Variants in ZNF366 observed in about 807,000 individuals in gnomAD.
ZNF366 encodes zinc finger protein 366, also known as dendritic cell-specific transcript protein.
Under a neutral mutation model 47.2 loss-of-function variants are expected in ZNF366, and 20 were observed. That is an observed-to-expected ratio of 0.42 (90% CI 0.30 to 0.62). The LOEUF (loss-of-function observed/expected upper bound fraction) is 0.62. Among genes scored for constraint, ZNF366 ranks in the 20% least tolerant of loss-of-function variants. The pLI, the probability that ZNF366 is intolerant of heterozygous loss-of-function variation, is 0.16. For synonymous variants in ZNF366, 421 were observed against 395.1 expected (o/e 1.07, Z -0.78); for missense variants, 987 against 976.3 (o/e 1.01, Z -0.15).
intron 3 of ZNF366, among the ~76,000 whole-genome samples, chr5:72,448,189 T>C (rs1304575473): frequency 6.6e-6 from 1 of 152,166 alleles, no homozygotes; most frequent in Non-Finnish European, 1.5e-5. Context: ...AAATGAAAAA[T>C]CATCTAAGGA....
At chr5:72,499,632 A>G (rs1744173791) in intron 1 of ZNF366, among the ~76,000 whole-genome samples, 1 of 152,198 alleles carries the variant, frequency 6.6e-6, no homozygotes, top group African/African-American at 2.4e-5. Context: ...GTACTTAAAA[A>G]AGAAAAAAAC....
At chr5:72,499,496 T>G (rs1744170213) in intron 1 of ZNF366, among the ~76,000 whole-genome samples, 1 of 150,712 alleles carries the variant, frequency 6.6e-6, no homozygotes, top group East Asian at 1.9e-4. Flanking sequence ...TTTTTTTTTT[T>G]TTTTTTGAGA....
chr5:72,449,420 G>T (rs1055884517), intron 3 of ZNF366, among the ~76,000 whole-genome samples: 2 of 152,146 alleles, frequency 1.3e-5, no homozygotes, highest in Admixed American at 1.3e-4. Flanking sequence ...TTTTAGTAGA[G>T]ATGGGGATCT....
At chr5:72,503,237 G>A (rs539392321) in intron 1 of ZNF366, among the ~76,000 whole-genome samples, 1 of 152,166 alleles carries the variant, frequency 6.6e-6, no homozygotes, top group East Asian at 1.9e-4. Context: ...TTGCTCAACC[G>A]GCTAGGACAT....
rs545666761 is a variant in ZNF366 at position 72,461,347 on chromosome 5, C to T, written c.150G>A (p.Gly50=). Residue 50 remains glycine, a synonymous_variant, in exon 2 of 5, where the codon GGG becomes GGA. Transcript: ENST00000318442. ...QRHPFPEALR[G]PFSQFRYEPP... is the part of the protein sequence containing the mutation. ...GTTCATACCGAAACTGGGAAAATGGCCCTCGGAGAGCTTCCGGGAAGGGGT... is the reference window on the plus strand; with the variant it reads ...GTTCATACCGAAACTGGGAAAATGGTCCTCGGAGAGCTTCCGGGAAGGGGT... The T allele has an allele frequency of 1.2e-5, 20 of 1,613,980 alleles. No homozygotes were observed. Among genetic ancestry groups the T allele is most frequent in the Non-Finnish European group, 1.7e-5 (20 of 1,180,014 alleles).
At chr5:72,456,331 A>G in intron 3 of ZNF366, 73 bp downstream of exon 3, 1 of 1,509,772 alleles carries the variant, frequency 6.6e-7, no homozygotes, top group African/African-American at 1.4e-5. Flanking sequence ...AACAGAGTAG[A>G]AGGCTCCCTG....
At chr5:72,507,139 C>A (rs1209602712) in intron 1 of ZNF366, 112 bp downstream of exon 1, 1 of 803,148 alleles carries the variant, frequency 1.2e-6, no homozygotes. Context: ...ATCACTTATA[C>A]CCTTTGGTTA....
At chr5:72,482,666 G>A (rs1307602617) in intron 1 of ZNF366, among the ~76,000 whole-genome samples, 1 of 152,040 alleles carries the variant, frequency 6.6e-6, no homozygotes, top group South Asian at 2.1e-4. Flanking sequence ...GTCCACCACA[G>A]GCTCCGGAGA....
chr5:72,477,247 A>G (rs985889684), intron 1 of ZNF366, among the ~76,000 whole-genome samples: 17 of 152,342 alleles, frequency 1.1e-4, no homozygotes, highest in African/African-American at 4.1e-4. Context: ...TTGACATTTA[A>G]TTTTAACAAA....
At chr5:72,501,684 G>A (rs1031195226) in intron 1 of ZNF366, among the ~76,000 whole-genome samples, 1 of 152,168 alleles carries the variant, frequency 6.6e-6, no homozygotes, top group African/African-American at 2.4e-5. Context: ...ACAAACCAGA[G>A]AGCTGAACAC....
intron 2 of ZNF366, 124 bp from the exon 3 acceptor site, chr5:72,456,719 T>G: frequency 1.0e-6 from 1 of 957,932 alleles, no homozygotes; most frequent in Non-Finnish European, 1.5e-6. Context: ...GATGTTGAGT[T>G]TCAAATGGTG....
chr5:72,461,417 T>C lies in ZNF366; in HGVS notation c.80A>G (p.His27Arg), dbSNP rs752401681. 9 of 1,611,816 alleles carry C rather than the reference T, an allele frequency of 5.6e-6. No individual in the cohort carries two copies. Among genetic ancestry groups the C allele is most frequent in the Non-Finnish European group, 7.6e-6 (9 of 1,178,238 alleles). ...CCGAGAAGCCACTGGCTGCAGGCAGTGGGGAAAGGAGGGGGTCTTCTTCAC... is the reference window on the plus strand; with the variant it reads ...CCGAGAAGCCACTGGCTGCAGGCAGCGGGGAAAGGAGGGGGTCTTCTTCAC... ...LAVKKTPSFP[H>R]CLQPVASRGK... The change falls in exon 2 of 5, where the codon CAC becomes CGC. Residue 27 changes from histidine (H) to arginine (R), a missense_variant. His to Arg is a conservative substitution (Grantham distance 29, BLOSUM62 0). This residue lies in a region of ZNF366 where 591 missense variants were observed against 560.9 expected (regional missense o/e 1.05). Transcript: ENST00000318442.
At chr5:72,473,509 A>C (rs184575956) in intron 1 of ZNF366, among the ~76,000 whole-genome samples, 65 of 152,308 alleles carry the variant, frequency 4.3e-4, no homozygotes, top group Non-Finnish European at 7.8e-4. Context: ...AATCCTGTCA[A>C]CTGCAGTCAG....
intron 1 of ZNF366, among the ~76,000 whole-genome samples, chr5:72,492,857 A>C (rs1374499875): frequency 1.3e-5 from 2 of 152,162 alleles, no homozygotes; most frequent in Non-Finnish European, 1.5e-5. Flanking sequence ...GTTTTTAATG[A>C]GGAATAAAGC....
At chr5:72,459,311 GT>G (rs1332998483) in intron 2 of ZNF366, among the ~76,000 whole-genome samples, 10 of 152,084 alleles carry the variant, frequency 6.6e-5, no homozygotes, top group Non-Finnish European at 1.5e-4. Flanking sequence ...ACCACTTGAG[GT>G]TAAGGGTGTG....
Position 72,460,420 on chromosome 5 carries a change from G to T in ZNF366, c.1077C>A (p.His359Gln). ...PSELKAHEAK[H>Q]ASGRENICVE... is the part of the protein sequence containing the mutation. The stretch of plus-strand genomic sequence containing the variant: ...CACAGATGTTCTCGCGCCCACTGGC[G>T]TGCTTGGCTTCGTGGGCCTTGAGCT... Residue 359 changes from histidine (H) to glutamine (Q), a missense_variant, in exon 2 of 5, where the codon CAC becomes CAA. Around this residue, in one of 3 missense-constraint regions of ZNF366, gnomAD observed 591 missense variants for 560.9 expected, o/e 1.05. Transcript: ENST00000318442. The T allele has an allele frequency of 6.2e-7, 1 of 1,614,216 alleles. No individual in the cohort carries two copies. The highest frequency in any genetic ancestry group is 8.5e-7 in the Non-Finnish European group (1 of 1,180,044).
intron 4 of ZNF366, among the ~76,000 whole-genome samples, chr5:72,445,030 C>T (rs1035550888): frequency 1.3e-5 from 2 of 152,196 alleles, no homozygotes; most frequent in African/African-American, 4.8e-5. Context: ...GGGCAGCAGA[C>T]ACCACCCCTG....
intron 1 of ZNF366, among the ~76,000 whole-genome samples, chr5:72,491,977 T>TC (rs1437952290): frequency 1.3e-5 from 2 of 152,018 alleles, no homozygotes. Context: ...GTGTTCTAGG[T>TC]CAAACATATG....
intron 1 of ZNF366, among the ~76,000 whole-genome samples, chr5:72,489,216 G>T (rs1743956368): frequency 1.3e-5 from 2 of 148,584 alleles, no homozygotes; most frequent in South Asian, 4.3e-4. Context: ...TCTCAAAAAA[G>T]AAATTAAGAA....
Sources: allele counts gnomAD v4.1 joint callset (sites outside exome capture counted in the v4.1 genomes callset), GRCh38; gene constraint gnomAD v4.1.1; regional missense constraint gnomAD v4.1.1; transcripts MANE v1.5; gene names NCBI Gene and HGNC (gene_info 2026-07-23, HGNC 2026-07-21).